Variants in CHURC1 observed in about 807,000 individuals in gnomAD.
CHURC1 encodes churchill domain containing 1.
Under a neutral mutation model 15.4 loss-of-function variants are expected in CHURC1, and 12 were observed. The observed-to-expected ratio is 0.78, with a 90% CI of 0.50 to 1.27. The LOEUF is 1.27. Among genes scored for constraint, CHURC1 ranks in the 50% most tolerant of loss-of-function variants. CHURC1 has a pLI of 0.00. For missense variants in CHURC1, 132 were observed against 137.8 expected, an observed-to-expected ratio of 0.96 and a Z score of 0.21; for synonymous variants, 42 against 47.5, an observed-to-expected ratio of 0.88 and a Z score of 0.48.
Position 64,933,981 on chromosome 14 carries a change from AGGTTTATATTCACTAT to A in CHURC1, c.*1752_*1767del, listed in dbSNP as rs1206676478. Reference sequence around the variant, plus strand: ...TTGTTATTTGTAAGTTATCATGAAAAGGTTTATATTCACTATTCTTTATTTCAGTGTAGCACTTTTA... The same window carrying A: ...TTGTTATTTGTAAGTTATCATGAAAATCTTTATTTCAGTGTAGCACTTTTA... On this transcript the variant is annotated 3_prime_UTR_variant, in exon 4 of 4. Transcript: ENST00000549115. 32 of 985,310 alleles carry A rather than the reference AGGTTTATATTCACTAT, an allele frequency of 3.2e-5. No individual in the cohort carries two copies. The highest frequency in any genetic ancestry group is 3.9e-5 in the Non-Finnish European group (32 of 829,928). 61.0% of individuals were successfully genotyped at this position (985,310 alleles called of 1,614,324 possible).
intron 1 of CHURC1, among the ~76,000 whole-genome samples, chr14:64,918,471 A>G (rs1884046980): frequency 6.6e-6 from 1 of 152,198 alleles, no homozygotes; most frequent in South Asian, 2.1e-4. Context: ...TTTTAAGTGC[A>G]GTAAGAGCAG....
intron 1 of CHURC1, among the ~76,000 whole-genome samples, chr14:64,919,340 T>C (rs1310525954): frequency 2.6e-5 from 4 of 152,234 alleles, no homozygotes; most frequent in Non-Finnish European, 5.9e-5. Flanking sequence ...ATGTTAGTGA[T>C]ATGTTTAAAA....
At chr14:64,914,661 A>T in intron 1 of CHURC1, 127 bp downstream of exon 1, 3 of 1,535,974 alleles carry the variant, frequency 2.0e-6, no homozygotes, top group Non-Finnish European at 2.6e-6. Flanking sequence ...GTGACCCAGT[A>T]GCGGTATTTA....
intron 3 of CHURC1, among the ~76,000 whole-genome samples, chr14:64,929,694 C>T (rs1031322047): frequency 3.9e-5 from 6 of 152,110 alleles, no homozygotes; most frequent in Non-Finnish European, 8.8e-5. Flanking sequence ...TCTCATATCC[C>T]CCCATAGGAT....
At position 64,926,088 on chromosome 14, in the gene CHURC1, T is replaced by C. The variant is rs1432872425; in HGVS notation, c.246+8T>C. ...ATCATGGATGAATTTCAGGTAAATA[T>C]AAATATGGGTATAAATATAAATATG... On this transcript the variant is annotated splice_region_variant and intron_variant, in intron 3 of 3. Transcript: ENST00000549115. 1.3e-6 allele frequency: 2 copies of C among 1,560,036 alleles called. No homozygotes were observed. The highest frequency in any genetic ancestry group is 1.4e-5 in the African/African-American group (1 of 73,386).
chr14:64,932,431 C>G lies in CHURC1; in HGVS notation c.*201C>G, dbSNP rs2139922682. 1 of 1,318,524 alleles carries G rather than the reference C, an allele frequency of 7.6e-7. No individual in the cohort carries two copies. Among genetic ancestry groups the G allele is most frequent in the Non-Finnish European group, 9.7e-7 (1 of 1,031,406 alleles). The allele number at this position is 1,318,524 out of a possible 1,614,324, so 81.7% of individuals were successfully genotyped here. A position where few individuals can be genotyped will look rare whatever the true frequency, so the allele number is the denominator to read the frequency against. On this transcript the variant is annotated 3_prime_UTR_variant, in exon 4 of 4. Transcript: ENST00000549115. Reference sequence around the variant, plus strand: ...AGCTCTTCTGCTAAAGTTCAAAGTTCACATCAGTGTAGCCAGAGTGAAGCA... The same window carrying G: ...AGCTCTTCTGCTAAAGTTCAAAGTTGACATCAGTGTAGCCAGAGTGAAGCA...
intron 3 of CHURC1, 99 bp downstream of exon 3, chr14:64,926,179 A>G: frequency 2.5e-6 from 2 of 790,204 alleles, no homozygotes; most frequent in Admixed American, 2.7e-5. Flanking sequence ...AGTGAAGTGC[A>G]AAGCGTTAGC....
At chr14:64,916,761 G>T (rs1312541217) in intron 1 of CHURC1, among the ~76,000 whole-genome samples, 1 of 151,996 alleles carries the variant, frequency 6.6e-6, no homozygotes, top group Admixed American at 6.6e-5. Flanking sequence ...TGTATTTTTA[G>T]TAGAGACAGG....
chr14:64,916,178 C>T (rs1883867624), intron 1 of CHURC1, among the ~76,000 whole-genome samples: 1 of 152,146 alleles, frequency 6.6e-6, no homozygotes, highest in African/African-American at 2.4e-5. Flanking sequence ...TGAAAGAACA[C>T]ATAAAGTATA....
chr14:64,922,070 A>G (rs1180300000), intron 1 of CHURC1, among the ~76,000 whole-genome samples: 1 of 152,170 alleles, frequency 6.6e-6, no homozygotes, highest in East Asian at 1.9e-4. Context: ...CTGGAGATGG[A>G]AATCAGATCA....
intron 3 of CHURC1, among the ~76,000 whole-genome samples, chr14:64,931,527 G>A (rs1044138603): frequency 2.0e-5 from 3 of 151,414 alleles, no homozygotes; most frequent in Admixed American, 6.6e-5. Context: ...CAGTGATACC[G>A]TGTCTAAAAA....
rs144579773 is a variant in CHURC1 at position 64,918,839 on chromosome 14, AAAAC to A, written c.39+4317_39+4320del. Among the ~76,000 whole-genome samples the A allele has an allele frequency of 9.9e-3, 1,508 of 152,292 alleles. 18 individuals carry two copies. The highest frequency in any genetic ancestry group is 0.035 in the African/African-American group (1,450 of 41,550). On this transcript the variant is annotated intron_variant, in intron 1 of 3. Coordinates refer to ENST00000549115, the MANE Select transcript of CHURC1 (RefSeq NM_001386928.1). The stretch of plus-strand genomic sequence containing the variant: ...CAGAGCAAAACCCTGTCTACTTAAA[AAAAC>A]AAACAAACAAAAAATCATTTGTTGG...
At position 64,932,357 on chromosome 14, in the gene CHURC1, T is replaced by G. The variant is rs544983880; in HGVS notation, c.*127T>G. On this transcript the variant is annotated 3_prime_UTR_variant, in exon 4 of 4. Coordinates refer to ENST00000549115, the MANE Select transcript of CHURC1 (RefSeq NM_001386928.1). Reference sequence around the variant, plus strand: ...TTTTTTTTCTGCTTAGACTTACTTATTCTTTGAGGAAAAAAGGTAATGTAG... The same window carrying G: ...TTTTTTTTCTGCTTAGACTTACTTAGTCTTTGAGGAAAAAAGGTAATGTAG... The G allele has an allele frequency of 6.9e-7, 1 of 1,456,400 alleles. No individual in the cohort carries two copies. The highest frequency in any genetic ancestry group is 1.5e-5 in the South Asian group (1 of 67,310). The allele number at this position is 1,456,400 out of a possible 1,614,324, so 90.2% of individuals were successfully genotyped here.
At chr14:64,925,164 T>C (rs1031380721) in intron 2 of CHURC1, among the ~76,000 whole-genome samples, 8 of 152,182 alleles carry the variant, frequency 5.3e-5, no homozygotes, top group Non-Finnish European at 1.5e-5. Flanking sequence ...TGTTTCCTTA[T>C]CTCTAAAAAG....
chr14:64,925,209 T>C (rs1055019093), intron 2 of CHURC1, among the ~76,000 whole-genome samples: 1 of 152,224 alleles, frequency 6.6e-6, no homozygotes, highest in African/African-American at 2.4e-5. Context: ...TTGGGTTTTT[T>C]AGAAGATTAA....
At chr14:64,931,794 G>A (rs1053280423) in intron 3 of CHURC1, among the ~76,000 whole-genome samples, 1 of 152,178 alleles carries the variant, frequency 6.6e-6, no homozygotes, top group Non-Finnish European at 1.5e-5. Context: ...GTGTATTAGT[G>A]TTAAATATGC....
chr14:64,923,787 C>CTTTT (rs60825476), intron 1 of CHURC1, among the ~76,000 whole-genome samples: 7 of 76,990 alleles, frequency 9.1e-5, no homozygotes, highest in Non-Finnish European at 1.4e-4. Context: ...ACTTTAGTTG[C>CTTTT]TTTTTTTTTT....
chr14:64,921,263 G>A (rs1463570550), intron 1 of CHURC1, among the ~76,000 whole-genome samples: 1 of 152,038 alleles, frequency 6.6e-6, no homozygotes, highest in Non-Finnish European at 1.5e-5. Context: ...AAAAATGTAA[G>A]AAACTTTGTG....
rs2139929334 is a variant in CHURC1, at chr14:64,935,193, G to A, written c.*2963G>A. 4.0e-6 allele frequency: 1 copy of A among 248,854 alleles called. No homozygotes were observed. The highest frequency in any genetic ancestry group is 1.8e-4 in the East Asian group (1 of 5,590). The allele number at this position is 248,854 out of a possible 1,614,324, so 15.4% of individuals were successfully genotyped here. A position where few individuals can be genotyped will look rare whatever the true frequency, so the allele number is the denominator to read the frequency against. On this transcript the variant is annotated 3_prime_UTR_variant, in exon 4 of 4. Coordinates refer to ENST00000549115, the MANE Select transcript of CHURC1 (RefSeq NM_001386928.1). The stretch of plus-strand genomic sequence containing the variant: ...ACTCTAGGGACTGTTGTGGGGTGAG[G>A]GGAGGGGTGAGGGATAGCATTAGGA...
Sources: allele counts gnomAD v4.1 joint callset (sites outside exome capture counted in the v4.1 genomes callset), GRCh38; gene constraint gnomAD v4.1.1; transcripts MANE v1.5; gene names NCBI Gene and HGNC (gene_info 2026-07-23, HGNC 2026-07-21).